The following VPS54 variants were observed in gnomAD, a reference collection of about 807,000 sequenced individuals.
The protein encoded by VPS54 is vacuolar protein sorting-associated protein 54.
VPS54 carries 45 observed loss-of-function variants against 121.5 expected under a neutral mutation model. That is an observed-to-expected ratio of 0.37 (90% CI 0.29 to 0.47). The LOEUF (loss-of-function observed/expected upper bound fraction) is 0.47. VPS54 is among the 20% of genes least tolerant of loss of function. The pLI, the probability that VPS54 is intolerant of heterozygous loss-of-function variation, is 0.99. For missense variants in VPS54, 1,090 were observed against 1,131.4 expected (o/e 0.96, Z 0.52); for synonymous variants, 371 against 385.8 (o/e 0.96, Z 0.45).
At chr2:63,908,403 C>T (rs1672994034) in intron 20 of VPS54, among the ~76,000 whole-genome samples, 1 of 152,112 alleles carries the variant, frequency 6.6e-6, no homozygotes, top group South Asian at 2.1e-4. Context: ...CTTTCAGAGG[C>T]TGAGTATGGG....
At chr2:63,974,971 A>T (rs1676456728) in intron 3 of VPS54, 1 of 1,545,932 alleles carries the variant, frequency 6.5e-7, no homozygotes, top group Admixed American at 2.0e-5. Context: ...AAACAGTGAC[A>T]GGGGACATCC....
intron 17 of VPS54, 116 bp from the exon 18 acceptor site, chr2:63,913,426 A>G (rs1673239764): frequency 3.2e-6 from 2 of 617,976 alleles, no homozygotes; most frequent in South Asian, 5.3e-5. Flanking sequence ...GGCCAAATGA[A>G]TTATCTAGTA....
intron 1 of VPS54, among the ~76,000 whole-genome samples, chr2:63,991,309 T>G (rs997507692): frequency 2.6e-5 from 4 of 152,220 alleles, no homozygotes; most frequent in African/African-American, 9.6e-5. Flanking sequence ...AAGGTATTCT[T>G]TTTCATATGT....
intron 20 of VPS54, among the ~76,000 whole-genome samples, chr2:63,909,296 C>G (rs1673032373): frequency 6.6e-6 from 1 of 151,660 alleles, no homozygotes; most frequent in Admixed American, 6.6e-5. Context: ...TATATTAATA[C>G]ATAACTTACA....
chr2:64,009,767 T>C (rs1478623377), intron 1 of VPS54, among the ~76,000 whole-genome samples: 2 of 152,074 alleles, frequency 1.3e-5, no homozygotes, highest in African/African-American at 4.8e-5. Context: ...TGAGCTGTGA[T>C]GGCATCACTG....
chr2:63,947,488 T>C lies in VPS54; in HGVS notation c.1140A>G (p.Glu380=). Residue 380 remains glutamate (E), a splice_region_variant and synonymous_variant, in exon 9 of 23, where the codon GAA becomes GAG. Coordinates refer to ENST00000272322, the MANE Select transcript of VPS54 (RefSeq NM_016516.3). The part of the protein sequence containing the change: ...LEDDCQVLEE[E]RLISLVFGLL... The stretch of plus-strand genomic sequence containing the variant: ...GTCCAAATACAAGAGATATTAGTCT[T>C]TCCTGTTAAAATAAAAGTATGTAAC... 6.7e-7 allele frequency: 1 copy of C among 1,500,136 alleles called. No individual in the cohort carries two copies. Among genetic ancestry groups the C allele is most frequent in the Non-Finnish European group, 9.0e-7 (1 of 1,106,640 alleles). The allele number at this position is 1,500,136 out of a possible 1,614,324, so 92.9% of individuals were successfully genotyped here. A position where few individuals can be genotyped will look rare whatever the true frequency, so the allele number is the denominator to read the frequency against.
At chr2:63,958,558 T>A (rs950569473) in intron 7 of VPS54, among the ~76,000 whole-genome samples, 3 of 152,010 alleles carry the variant, frequency 2.0e-5, no homozygotes, top group Non-Finnish European at 4.4e-5. Flanking sequence ...TACAAAAAAA[T>A]TTAAAAATTA....
At chr2:63,961,032 T>G (rs1446250125) in intron 7 of VPS54, among the ~76,000 whole-genome samples, 1 of 152,212 alleles carries the variant, frequency 6.6e-6, no homozygotes, top group Non-Finnish European at 1.5e-5. Flanking sequence ...ACAGCAATCT[T>G]TCCATTCATC....
intron 3 of VPS54, chr2:63,975,327 C>A (rs1208568322): frequency 7.4e-6 from 2 of 270,530 alleles, no homozygotes; most frequent in East Asian, 6.2e-5. Context: ...TAGTTTAAAA[C>A]AAAGATGATA....
chr2:64,003,895 C>A (rs930451269), intron 1 of VPS54, among the ~76,000 whole-genome samples: 1 of 152,182 alleles, frequency 6.6e-6, no homozygotes, highest in Admixed American at 6.5e-5. Flanking sequence ...GGTGCCCAGA[C>A]TTCTGTTTCT....
At chr2:63,955,460 A>G (rs1675449480) in intron 7 of VPS54, among the ~76,000 whole-genome samples, 1 of 152,042 alleles carries the variant, frequency 6.6e-6, no homozygotes, top group South Asian at 2.1e-4. Flanking sequence ...ATATGACTGT[A>G]CCTACTGATA....
At chr2:63,920,098 T>TTA (rs1673569971) in intron 14 of VPS54, 103 bp from the exon 15 acceptor site, 2 of 909,906 alleles carry the variant, frequency 2.2e-6, no homozygotes, top group Non-Finnish European at 3.3e-6. Flanking sequence ...ACATAAGACT[T>TTA]AAAAAGTGCT....
chr2:63,983,530 C>T (rs1010763010), intron 2 of VPS54, among the ~76,000 whole-genome samples: 6 of 150,850 alleles, frequency 4.0e-5, no homozygotes, highest in African/African-American at 1.5e-4. Context: ...GCATGCTCCA[C>T]CTCCTGAGTT....
chr2:63,996,005 G>A (rs936727976), intron 1 of VPS54, among the ~76,000 whole-genome samples: 17 of 152,230 alleles, frequency 1.1e-4, no homozygotes, highest in Middle Eastern at 3.4e-3. Context: ...AGTAAATTTC[G>A]GAATTATGTT....
intron 17 of VPS54, chr2:63,913,719 G>A (rs947642663): frequency 1.9e-5 from 8 of 424,172 alleles, no homozygotes; most frequent in African/African-American, 1.1e-4. Flanking sequence ...CATTTCCTCC[G>A]TACTGGTAGT....
chr2:63,957,367 G>A (rs1008686104), intron 7 of VPS54, among the ~76,000 whole-genome samples: 17 of 150,812 alleles, frequency 1.1e-4, no homozygotes, highest in Admixed American at 5.3e-4. Flanking sequence ...GCGTGAATCC[G>A]GGAGGCGGAG....
chr2:63,935,671 C>T (rs1343689233), intron 11 of VPS54, among the ~76,000 whole-genome samples: 1 of 152,102 alleles, frequency 6.6e-6, no homozygotes, highest in Non-Finnish European at 1.5e-5. Context: ...CTAAATAGCC[C>T]ACTCAGTGTA....
intron 15 of VPS54, among the ~76,000 whole-genome samples, chr2:63,918,612 T>A: frequency 6.6e-6 from 1 of 152,100 alleles, no homozygotes; most frequent in East Asian, 1.9e-4. Context: ...AAAAATTTAC[T>A]TAATTCCTTC....
chr2:63,933,691 G>C lies in VPS54; in HGVS notation c.1721C>G (p.Pro574Arg), dbSNP rs1422204880. The change falls in exon 12 of 23, where the codon CCA (proline) becomes CGA (arginine). Residue 574 changes from proline (P) to arginine (R), a missense_variant. Around this residue, in one of 2 missense-constraint regions of VPS54, gnomAD observed 801 missense variants for 757.0 expected, o/e 1.06. Coordinates refer to ENST00000272322, the MANE Select transcript of VPS54 (RefSeq NM_016516.3). The part of the protein sequence containing the change: ...SKEHTSSSAI[P>R]GGVDIMVSED... The stretch of plus-strand genomic sequence containing the variant: ...TACTCACATAATATCCACACCTCCT[G>C]GAATAGCAGATGATGATGTGTGCTC... 9.9e-6 allele frequency: 16 copies of C among 1,612,622 alleles called. No individual in the cohort carries two copies. The highest frequency in any genetic ancestry group is 1.2e-5 in the Non-Finnish European group (14 of 1,179,568).
Sources: allele counts gnomAD v4.1 joint callset (sites outside exome capture counted in the v4.1 genomes callset), GRCh38; gene constraint gnomAD v4.1.1; regional missense constraint gnomAD v4.1.1; transcripts MANE v1.5; gene names NCBI Gene and HGNC (gene_info 2026-07-23, HGNC 2026-07-21).